The following SLC26A4 variants were observed in gnomAD, a reference collection of about 807,000 sequenced individuals.
SLC26A4 encodes the protein pendrin.
Under a neutral mutation model 90.4 loss-of-function variants are expected in SLC26A4, and 93 were observed. The ratio of observed to expected loss-of-function variants is 1.03; its 90% CI spans 0.87 to 1.22. The LOEUF (loss-of-function observed/expected upper bound fraction) is 1.22. SLC26A4 is among the 50% of genes most tolerant of loss of function. SLC26A4 has a pLI of 0.00. For missense variants in SLC26A4, 1,127 were observed against 946.2 expected, an observed-to-expected ratio of 1.19 and a Z score of -2.51; for synonymous variants, 393 against 354.6, an observed-to-expected ratio of 1.11 and a Z score of -1.22.
chr7:107,672,073 G>C, intron 3 of SLC26A4, 65 bp from the exon 4 acceptor site: 1 of 975,156 alleles, frequency 1.0e-6, no homozygotes, highest in Non-Finnish European at 1.7e-6. Context: ...ACCATTGTAA[G>C]TTGAGGACTT....
chr7:107,706,573 T>A (rs1464177442), intron 18 of SLC26A4, among the ~76,000 whole-genome samples: 1 of 152,234 alleles, frequency 6.6e-6, no homozygotes, highest in Non-Finnish European at 1.5e-5. Flanking sequence ...GCCTGATGTA[T>A]CTAATATCTT....
chr7:107,661,458 G>T lies in SLC26A4; in HGVS notation c.-3-181G>T, dbSNP rs1382982101. The stretch of plus-strand genomic sequence containing the variant: ...TCAGGTGCCCCCCTGCAGGCTGGCC[G>T]TGCGCGCCGTGGGGCGCTTGTCGCG... On this transcript the variant is annotated intron_variant, in intron 1 of 20. Coordinates refer to ENST00000644269, the MANE Select transcript of SLC26A4 (RefSeq NM_000441.2). This position sits in a 1 kb window ranked among gnomAD's most constrained non-coding sequence, Gnocchi z 5.1. The T allele has an allele frequency of 5.8e-6, 4 of 687,818 alleles. No homozygotes were observed. In the East Asian group the frequency reaches 8.2e-5, roughly 14 times the overall value. The allele number at this position is 687,818 out of a possible 1,614,324, so 42.6% of individuals were successfully genotyped here.
intron 6 of SLC26A4, among the ~76,000 whole-genome samples, chr7:107,675,514 A>G (rs936573875): frequency 2.0e-5 from 3 of 147,718 alleles, no homozygotes; most frequent in African/African-American, 7.5e-5. Flanking sequence ...TTCAAGCAAA[A>G]ACAAAATCAA....
intron 12 of SLC26A4, 91 bp from the exon 13 acceptor site, chr7:107,695,842 T>A (rs1791724814): frequency 5.0e-6 from 4 of 802,908 alleles, no homozygotes; most frequent in African/African-American, 3.4e-5. Flanking sequence ...AATTTGTTTG[T>A]GGATCATTGA....
chr7:107,671,735 C>T (rs1562822391), intron 3 of SLC26A4, among the ~76,000 whole-genome samples: 1 of 152,168 alleles, frequency 6.6e-6, no homozygotes, highest in African/African-American at 2.4e-5. Flanking sequence ...GACAGATGCT[C>T]CTCTACTTCT....
At chr7:107,711,332 A>C (rs947891441) in intron 19 of SLC26A4, among the ~76,000 whole-genome samples, 4 of 152,182 alleles carry the variant, frequency 2.6e-5, no homozygotes, top group Non-Finnish European at 5.9e-5. Context: ...CAAGGTATCA[A>C]GTTCTTTCTC....
chr7:107,667,656 A>G (rs939253509), intron 3 of SLC26A4, among the ~76,000 whole-genome samples: 1 of 152,000 alleles, frequency 6.6e-6, no homozygotes, highest in Admixed American at 6.6e-5. Context: ...GTATTTGTGA[A>G]CCGATAGGAA....
chr7:107,709,965 C>T, intron 18 of SLC26A4, 89 bp from the exon 19 acceptor site: 1 of 1,124,736 alleles, frequency 8.9e-7, no homozygotes, highest in Non-Finnish European at 1.3e-6. Flanking sequence ...TGCACTCCAG[C>T]CTGGGCAATA....
At position 107,683,469 on chromosome 7, in the gene SLC26A4, T is replaced by C; in HGVS notation, c.933T>C (p.Thr311=). The C allele has an allele frequency of 1.9e-6, 3 of 1,613,902 alleles. No individual in the cohort carries two copies. Among genetic ancestry groups the C allele is most frequent in the Non-Finnish European group, 2.5e-6 (3 of 1,179,806 alleles). The change falls in exon 8 of 21, where the codon ACT becomes ACC. Residue 311 remains threonine (T), a synonymous_variant. Coordinates refer to ENST00000644269, the MANE Select transcript of SLC26A4 (RefSeq NM_000441.2). ...PIEVIVTIIA[T]AISYGANLEK... The stretch of plus-strand genomic sequence containing the variant: ...TTTTATTTCAGACGATAATTGCTAC[T>C]GCCATTTCATATGGAGCCAACCTGG...
intron 6 of SLC26A4, among the ~76,000 whole-genome samples, chr7:107,682,454 TA>T (rs942982352): frequency 2.0e-5 from 3 of 152,020 alleles, no homozygotes; most frequent in African/African-American, 7.2e-5. Context: ...TGTTTTAATT[TA>T]AAAAAAAGTA....
chr7:107,679,815 TATATA>T (rs1271902085), intron 6 of SLC26A4, among the ~76,000 whole-genome samples: 2 of 137,100 alleles, frequency 1.5e-5, no homozygotes, highest in Admixed American at 1.5e-4. Flanking sequence ...CTTATATTAT[TATATA>T]ATATAATCTT....
In SLC26A4 at chr7:107,702,030, C is replaced by G; in HGVS notation, c.2007C>G (p.Asp669Glu). 1.2e-6 allele frequency: 2 copies of G among 1,613,248 alleles called. No individual in the cohort carries two copies. Among genetic ancestry groups the G allele is most frequent in the Non-Finnish European group, 1.7e-6 (2 of 1,179,324 alleles). Residue 669 changes from aspartate to glutamate, a missense_variant, in exon 17 of 21, where the codon GAC (aspartate) becomes GAG (glutamate). Asp to Glu is a conservative substitution (Grantham distance 45). Coordinates refer to ENST00000644269, the MANE Select transcript of SLC26A4 (RefSeq NM_000441.2). ...VLDCGAISFL[D>E]VVGVRSLRVI... ...ACTGTGGAGCTATATCTTTCCTGGA[C>G]GTTGTTGGAGTGAGATCACTGCGGG...
chr7:107,691,836 C>T (rs752403739), intron 10 of SLC26A4: 6 of 1,135,012 alleles, frequency 5.3e-6, no homozygotes, highest in Admixed American at 3.9e-5. Context: ...AGCTCATATC[C>T]GGAGGCATAG....
chr7:107,681,025 G>A (rs1245847867), intron 6 of SLC26A4, among the ~76,000 whole-genome samples: 4 of 152,156 alleles, frequency 2.6e-5, no homozygotes. Flanking sequence ...GTTTGCTCCT[G>A]TGCTAAATGC....
intron 20 of SLC26A4, among the ~76,000 whole-genome samples, chr7:107,714,972 C>G (rs1792301658): frequency 6.6e-6 from 1 of 151,390 alleles, no homozygotes; most frequent in African/African-American, 2.4e-5. Flanking sequence ...AGCCTGTAAT[C>G]CCAGCACTTT....
intron 12 of SLC26A4, among the ~76,000 whole-genome samples, chr7:107,695,535 A>G (rs1401934540): frequency 1.3e-5 from 2 of 152,236 alleles, no homozygotes; most frequent in African/African-American, 4.8e-5. Context: ...TTGGCCAGGC[A>G]CAGTGGCTCA....
At chr7:107,687,301 A>G (rs1044647300) in intron 8 of SLC26A4, among the ~76,000 whole-genome samples, 3 of 152,236 alleles carry the variant, frequency 2.0e-5, no homozygotes, top group Non-Finnish European at 4.4e-5. Flanking sequence ...GGCAAGGACA[A>G]AAGGCTTACT....
intron 10 of SLC26A4, among the ~76,000 whole-genome samples, chr7:107,692,792 T>A (rs1285522637): frequency 1.3e-5 from 2 of 152,224 alleles, no homozygotes; most frequent in Non-Finnish European, 2.9e-5. Context: ...TAACTGAATC[T>A]GGTTGTAGAT....
chr7:107,661,604 C>A lies in SLC26A4; in HGVS notation c.-3-35C>A, dbSNP rs1790552034. 1.9e-6 allele frequency: 3 copies of A among 1,541,550 alleles called. No homozygotes were observed. The highest frequency in any genetic ancestry group is 1.7e-6 in the Non-Finnish European group (2 of 1,148,448). On this transcript the variant is annotated intron_variant, in intron 1 of 20. Transcript: ENST00000644269. The surrounding 1 kb of genome is among the most constrained non-coding windows in gnomAD (Gnocchi z 5.1). ...CCCCTCCGATCGTCCTCGCTTACCG[C>A]GTGTCCTCCCTCCTCGCTGTCCTCT...
Sources: gnomAD v4.1 joint callset for allele counts (sites outside exome capture counted in the v4.1 genomes callset) on GRCh38, gnomAD v4.1.1 for gene constraint, Gnocchi (gnomAD v3.1) non-coding constraint, MANE v1.5 for transcripts, NCBI Gene and HGNC (gene_info 2026-07-23, HGNC 2026-07-21) for gene names.